KRT86: variants seen among roughly 807,000 people sequenced by gnomAD.
The protein encoded by KRT86 is keratin 86, also known as keratin, type II cuticular Hb6.
KRT86 carries 30 observed loss-of-function variants against 41.2 expected under a neutral mutation model. The ratio of observed to expected loss-of-function variants is 0.73; its 90% CI spans 0.54 to 0.99. The LOEUF (loss-of-function observed/expected upper bound fraction) is 0.99, where lower values mean the gene tolerates loss of function less well. KRT86 is among the 50% of genes least tolerant of loss of function. The pLI is 0.00. For synonymous variants in KRT86, 238 were observed against 238.1 expected (o/e 1.00, Z 0.00); for missense variants, 561 against 571.4 (o/e 0.98, Z 0.19).
chr12:52,287,823 G>A lies in KRT86; in HGVS notation c.-5+11877G>A, dbSNP rs563947537. 55 of 1,605,948 alleles carry A rather than the reference G, an allele frequency of 3.4e-5. No homozygotes were observed. The African/African-American group carries it at 4.1e-4, about 12-fold the overall frequency. On this transcript the variant is annotated intron_variant, in intron 2 of 10. Transcript: ENST00000423955. Reference sequence around the variant, plus strand: ...GGTTGTACAGTGCTCAGCCTGTGCAGCCACACATGGCAGTCCTGCCCTGCC... The same window carrying A: ...GGTTGTACAGTGCTCAGCCTGTGCAACCACACATGGCAGTCCTGCCCTGCC...
intron 2 of KRT86, chr12:52,286,845 C>G (rs1937957974): frequency 6.2e-7 from 1 of 1,613,452 alleles, no homozygotes; most frequent in African/African-American, 1.3e-5. Context: ...GAGAAAAAGG[C>G]AACATTAGTG....
chr12:52,288,049 T>C (rs1239401426), intron 2 of KRT86: 1 of 1,614,210 alleles, frequency 6.2e-7, no homozygotes, highest in Non-Finnish European at 8.5e-7. Context: ...TACTGTGCCT[T>C]AATCTCGGCA....
intron 2 of KRT86, chr12:52,288,347 C>T (rs764200463): frequency 1.9e-6 from 3 of 1,613,730 alleles, no homozygotes; most frequent in East Asian, 2.2e-5. Flanking sequence ...TCTGTCTGGC[C>T]CCTGAGCCCG....
intron 2 of KRT86, chr12:52,291,501 T>C: frequency 1.2e-6 from 2 of 1,610,204 alleles, no homozygotes; most frequent in South Asian, 1.1e-5. Context: ...GAGGACAGGA[T>C]AGGGGACCTG....
intron 2 of KRT86, among the ~76,000 whole-genome samples, chr12:52,284,365 T>C (rs1479817539): frequency 6.6e-6 from 1 of 152,192 alleles, no homozygotes; most frequent in Non-Finnish European, 1.5e-5. Context: ...AATATTTTTA[T>C]ATTTTATAGA....
Position 52,288,375 on chromosome 12 carries a change from G to C in KRT86, c.-5+12429G>C, listed in dbSNP as rs145562431. On this transcript the variant is annotated intron_variant, in intron 2 of 10. Transcript: ENST00000423955. ...TGAGCCCGCACCTCCTCATACAGCCGCCTCAGGAAGTCGATCTCCTGGATC... is the reference window on the plus strand; with the variant it reads ...TGAGCCCGCACCTCCTCATACAGCCCCCTCAGGAAGTCGATCTCCTGGATC... 8.7e-6 allele frequency: 14 copies of C among 1,613,982 alleles called. No homozygotes were observed. In the Admixed American group the frequency reaches 1.2e-4, roughly 13 times the overall value.
intron 2 of KRT86, among the ~76,000 whole-genome samples, chr12:52,298,421 G>A (rs970131361): frequency 6.6e-6 from 1 of 152,204 alleles, no homozygotes; most frequent in African/African-American, 2.4e-5. Flanking sequence ...TTTAAGATAA[G>A]GCGGTTAATG....
intron 2 of KRT86, among the ~76,000 whole-genome samples, chr12:52,278,540 G>A (rs1288861487): frequency 1.3e-5 from 2 of 151,500 alleles, no homozygotes; most frequent in Non-Finnish European, 2.9e-5. Flanking sequence ...GCGCCAGGGA[G>A]CTTGCAGGGT....
chr12:52,294,684 AC>A (rs1938209723), intron 2 of KRT86, among the ~76,000 whole-genome samples: 1 of 152,002 alleles, frequency 6.6e-6, no homozygotes, highest in Admixed American at 6.5e-5. Context: ...AAAAAATAGA[AC>A]ATGTGTGTAT....
chr12:52,282,787 A>G (rs1662110457), intron 2 of KRT86, among the ~76,000 whole-genome samples: 1 of 152,148 alleles, frequency 6.6e-6, no homozygotes, highest in South Asian at 2.1e-4. Context: ...GGGTCTACCC[A>G]TGTACCCACA....
rs1938392716 is a variant in KRT86 at position 52,301,989 on chromosome 12, T to A, written c.73T>A (p.Cys25Ser). The change falls in exon 3 of 11, where the codon TGC becomes AGC. Residue 25 changes from cysteine (C) to serine (S), a missense_variant. By Grantham distance (112) the Cys-to-Ser change is moderately radical. Coordinates refer to ENST00000423955, the MANE Select transcript of KRT86 (RefSeq NM_001320198.2). ...GGCCTGCGGGCCCCGGCCCGGCCGC[T>A]GCTGCATCACCGCCGCCCCCTACCG... is the stretch of plus-strand genomic sequence containing the variant. ...ISACGPRPGRCCITAAPYRGI... is the reference protein window; with the variant it reads ...ISACGPRPGRSCITAAPYRGI... 6.2e-7 allele frequency: 1 copy of A among 1,613,160 alleles called. No homozygotes were observed. Among genetic ancestry groups the A allele is most frequent in the East Asian group, 2.2e-5 (1 of 44,860 alleles).
Position 52,287,910 on chromosome 12 carries a change from G to A in KRT86, c.-5+11964G>A. ...CCTAGGGACCAGCATCCCCAGAAAAGGAAGCCTATTTAATAGATATCTCAC... is the reference window on the plus strand; with the variant it reads ...CCTAGGGACCAGCATCCCCAGAAAAAGAAGCCTATTTAATAGATATCTCAC... On this transcript the variant is annotated intron_variant, in intron 2 of 10. Transcript: ENST00000423955. 3.7e-6 allele frequency: 6 copies of A among 1,612,768 alleles called. No individual in the cohort carries two copies. In the Admixed American group the frequency reaches 6.7e-5, roughly 18 times the overall value.
chr12:52,291,118 C>T lies in KRT86; in HGVS notation c.-4-10795C>T, dbSNP rs568134573. On this transcript the variant is annotated intron_variant, in intron 2 of 10. Coordinates refer to ENST00000423955, the MANE Select transcript of KRT86 (RefSeq NM_001320198.2). The stretch of plus-strand genomic sequence containing the variant: ...CCACCTTGTCGATGAAGGCCGCGAA[C>T]CTGCTGTTGAGGGACTTGATCTGCT... The T allele has an allele frequency of 7.0e-4, 589 of 845,566 alleles. 4 individuals carry two copies. The highest frequency in any genetic ancestry group is 2.5e-3 in the South Asian group (137 of 55,458). 52.4% of individuals were successfully genotyped at this position (845,566 alleles called of 1,614,324 possible). A position where few individuals can be genotyped will look rare whatever the true frequency, so the allele number is the denominator to read the frequency against.
At position 52,305,689 on chromosome 12, in the gene KRT86, C is replaced by G. The variant is rs760403544; in HGVS notation, c.927C>G (p.Ile309Met). Residue 309 changes from isoleucine to methionine, a missense_variant, in exon 8 of 11, where the codon ATC becomes ATG. This residue lies in a region of KRT86 where 397 missense variants were observed against 375.9 expected (regional missense o/e 1.06). Coordinates refer to ENST00000423955, the MANE Select transcript of KRT86 (RefSeq NM_001320198.2). ...GTGAGGAGATGAAGGCCACGGTGAT[C>G]AGGCACGGGGAGACCCTGCGCCGCA... ...SKCEEMKATV[I>M]RHGETLRRTK... 1 of 1,614,112 alleles carries G rather than the reference C, an allele frequency of 6.2e-7. No homozygotes were observed. Among genetic ancestry groups the G allele is most frequent in the African/African-American group, 1.3e-5 (1 of 75,060 alleles).
chr12:52,299,628 T>C (rs1488497084), intron 2 of KRT86, among the ~76,000 whole-genome samples: 3 of 152,268 alleles, frequency 2.0e-5, no homozygotes. Context: ...GTCTTTTTGA[T>C]AAAAGTCATT....
intron 8 of KRT86, 29 bp from the exon 9 acceptor site, chr12:52,306,031 A>G (rs1333699023): frequency 6.2e-7 from 1 of 1,613,094 alleles, no homozygotes; most frequent in Non-Finnish European, 8.5e-7. Flanking sequence ...AGGGACTCTA[A>G]TCTACCTTGT....
chr12:52,308,536 C>T lies in KRT86; in HGVS notation c.1412C>T (p.Ala471Val), dbSNP rs368279953. 1.2e-5 allele frequency: 20 copies of T among 1,601,874 alleles called. No homozygotes were observed. Among genetic ancestry groups the T allele is most frequent in the African/African-American group, 4.0e-5 (3 of 74,938 alleles). ...NVVVGTTNAC[A>V]PSARVGVCGG... ...GTGGTGGGCACTACTAACGCCTGCGCCCCCTCCGCCCGGGTTGGCGTCTGC... is the reference window on the plus strand; with the variant it reads ...GTGGTGGGCACTACTAACGCCTGCGTCCCCTCCGCCCGGGTTGGCGTCTGC... The change falls in exon 11 of 11, where the codon GCC becomes GTC. Residue 471 changes from alanine (A) to valine (V), a missense_variant. Ala to Val is a moderately conservative substitution (Grantham distance 64). Coordinates refer to ENST00000423955, the MANE Select transcript of KRT86 (RefSeq NM_001320198.2).
At chr12:52,275,509 C>T (rs1209522350) in intron 1 of KRT86, among the ~76,000 whole-genome samples, 1 of 152,192 alleles carries the variant, frequency 6.6e-6, no homozygotes, top group Non-Finnish European at 1.5e-5. Flanking sequence ...TTAACTCTCC[C>T]TGTTCCTGGG....
At chr12:52,304,497 C>T (rs1341859841) in intron 5 of KRT86, among the ~76,000 whole-genome samples, 1 of 151,054 alleles carries the variant, frequency 6.6e-6, no homozygotes, top group African/African-American at 2.4e-5. Flanking sequence ...AGAGACAGTG[C>T]AGTCTGTCTA....
Sources: gnomAD v4.1 joint callset for allele counts (sites outside exome capture counted in the v4.1 genomes callset) on GRCh38, gnomAD v4.1.1 for gene constraint, gnomAD v4.1.1 regional missense constraint, MANE v1.5 for transcripts, NCBI Gene and HGNC (gene_info 2026-07-23, HGNC 2026-07-21) for gene names.